RALA: variants seen among roughly 807,000 people sequenced by gnomAD.
RALA encodes the protein ras-related protein Ral-A.
A neutral mutation model predicts 24.0 loss-of-function variants in RALA; 5 were observed. The ratio of observed to expected loss-of-function variants is 0.21; its 90% CI spans 0.11 to 0.44. The LOEUF is 0.44. Among genes scored for constraint, RALA ranks in the 20% least tolerant of loss-of-function variants. RALA has a pLI of 0.99. For missense variants in RALA, 95 were observed against 241.2 expected (o/e 0.39, Z 4.01); for synonymous variants, 77 against 83.8 (o/e 0.92, Z 0.44).
chr7:39,692,243 C>T (rs961003857), intron 3 of RALA, among the ~76,000 whole-genome samples: 2 of 152,198 alleles, frequency 1.3e-5, no homozygotes, highest in African/African-American at 4.8e-5. Flanking sequence ...CCACAAAATC[C>T]ATTGCTTCCT....
chr7:39,674,923 A>C (rs1300729587), intron 1 of RALA, among the ~76,000 whole-genome samples: 4 of 146,398 alleles, frequency 2.7e-5, no homozygotes, highest in Non-Finnish European at 5.9e-5. Context: ...TCCTGGGTTC[A>C]AGCAATTCTC....
At chr7:39,669,775 C>T (rs1792349673) in intron 1 of RALA, among the ~76,000 whole-genome samples, 1 of 149,492 alleles carries the variant, frequency 6.7e-6, no homozygotes, top group South Asian at 2.1e-4. Context: ...CACTGCACTC[C>T]AGCCTGGGTG....
At chr7:39,689,729 C>A (rs1792781417) in intron 2 of RALA, among the ~76,000 whole-genome samples, 2 of 152,196 alleles carry the variant, frequency 1.3e-5, no homozygotes, top group Non-Finnish European at 2.9e-5. Flanking sequence ...CCAGCCTGGG[C>A]AACATAGTAA....
At chr7:39,680,474 G>C (rs1223210560) in intron 1 of RALA, among the ~76,000 whole-genome samples, 1 of 151,446 alleles carries the variant, frequency 6.6e-6, no homozygotes, top group Non-Finnish European at 1.5e-5. Context: ...TGCTCGGAAG[G>C]CTGAGGCAGG....
intron 1 of RALA, among the ~76,000 whole-genome samples, chr7:39,681,364 C>CA (rs1008990180): frequency 8.8e-6 from 1 of 113,460 alleles, no homozygotes; most frequent in Admixed American, 1.3e-4. Flanking sequence ...CTAGCCCAGG[C>CA]TGGAGTGCAA....
intron 1 of RALA, among the ~76,000 whole-genome samples, chr7:39,666,272 A>G (rs1792285845): frequency 1.3e-5 from 2 of 152,190 alleles, no homozygotes; most frequent in Non-Finnish European, 2.9e-5. Flanking sequence ...TTTACTCTCT[A>G]AGTTATATAT....
chr7:39,646,821 T>G lies in RALA; in HGVS notation c.-38+22996T>G, dbSNP rs553202009. On this transcript the variant is annotated intron_variant, in intron 1 of 4. Transcript: ENST00000005257. The stretch of plus-strand genomic sequence containing the variant: ...ACTCTAGAGCCTCCCATGTATATAT[T>G]TACTTTTCAGCCTTACCCATGTACT... Among the ~76,000 whole-genome samples, 5 of 152,350 alleles carry G rather than the reference T, an allele frequency of 3.3e-5. No homozygotes were observed. The South Asian group carries it at 1.0e-3, about 32-fold the overall frequency.
chr7:39,693,720 A>G (rs1162263458), intron 3 of RALA, among the ~76,000 whole-genome samples: 2 of 152,232 alleles, frequency 1.3e-5, no homozygotes, highest in African/African-American at 2.4e-5. Context: ...GAAAGTTGAC[A>G]TGGTTTTTGC....
At chr7:39,668,810 A>C (rs1019463948) in intron 1 of RALA, among the ~76,000 whole-genome samples, 4 of 150,890 alleles carry the variant, frequency 2.7e-5, no homozygotes, top group Non-Finnish European at 5.9e-5. Flanking sequence ...AAAAAAAAAA[A>C]AAAGAAAAGA....
intron 1 of RALA, among the ~76,000 whole-genome samples, chr7:39,647,829 C>T (rs1042432377): frequency 1.3e-5 from 2 of 152,196 alleles, no homozygotes; most frequent in Non-Finnish European, 2.9e-5. Flanking sequence ...TGATCTTGGA[C>T]TTCCCAGACT....
At position 39,706,765 on chromosome 7, in the gene RALA, TG is replaced by T. The variant is rs1793127286; in HGVS notation, c.*521del. 1 of 152,568 alleles carries T rather than the reference TG, an allele frequency of 6.6e-6. No individual in the cohort carries two copies. The highest frequency in any genetic ancestry group is 1.5e-5 in the Non-Finnish European group (1 of 68,072). The allele number at this position is 152,568 out of a possible 1,614,324, so 9.5% of individuals were successfully genotyped here. ...ATAGTTAAACTGAGAGTAATTCATC[TG>T]TGAATCTGCTTTAATTACCTGGTGA... On this transcript the variant is annotated 3_prime_UTR_variant, in exon 5 of 5. Transcript: ENST00000005257.
intron 1 of RALA, among the ~76,000 whole-genome samples, chr7:39,674,462 A>C (rs1329171143): frequency 6.6e-6 from 1 of 152,148 alleles, no homozygotes; most frequent in Non-Finnish European, 1.5e-5. Context: ...TTAATGTGCT[A>C]GATTCTATCT....
intron 1 of RALA, among the ~76,000 whole-genome samples, chr7:39,649,825 G>A (rs538460234): frequency 6.6e-6 from 1 of 152,282 alleles, no homozygotes; most frequent in African/African-American, 2.4e-5. Flanking sequence ...TGGAAAACCA[G>A]GTGATTGTGG....
At chr7:39,635,564 C>T (rs947887243) in intron 1 of RALA, among the ~76,000 whole-genome samples, 4 of 152,132 alleles carry the variant, frequency 2.6e-5, no homozygotes, top group South Asian at 2.1e-4. Flanking sequence ...CAGCAGTGGT[C>T]CCCAACCTTA....
At chr7:39,653,022 T>C (rs770803154) in intron 1 of RALA, among the ~76,000 whole-genome samples, 4 of 150,378 alleles carry the variant, frequency 2.7e-5, no homozygotes, top group Non-Finnish European at 4.4e-5. Context: ...GGTCTCAAAC[T>C]ATTATTATTA....
At chr7:39,692,024 C>G (rs773416715) in intron 3 of RALA, among the ~76,000 whole-genome samples, 33 of 152,260 alleles carry the variant, frequency 2.2e-4, no homozygotes, top group Admixed American at 9.8e-4. Context: ...ATTCATTACT[C>G]TTAGGGCGTA....
intron 1 of RALA, among the ~76,000 whole-genome samples, chr7:39,685,091 TA>T (rs1422611111): frequency 6.6e-6 from 1 of 152,218 alleles, no homozygotes; most frequent in Admixed American, 6.5e-5. Context: ...GGCGCCAACC[TA>T]ATACATATTC....
intron 1 of RALA, among the ~76,000 whole-genome samples, chr7:39,634,179 T>C (rs1791647105): frequency 1.3e-5 from 2 of 152,068 alleles, no homozygotes; most frequent in South Asian, 4.2e-4. Context: ...GGAGTGCTGG[T>C]AGGTAGAGTA....
At chr7:39,699,285 C>T (rs4587238) in intron 4 of RALA, among the ~76,000 whole-genome samples, 34,211 of 148,764 alleles carry the variant, frequency 0.23, 4,771 homozygotes, top group Admixed American at 0.35. Context: ...GGACTACAGG[C>T]GCCCGCCACC....
Sources: allele counts gnomAD v4.1 joint callset (sites outside exome capture counted in the v4.1 genomes callset), GRCh38; gene constraint gnomAD v4.1.1; transcripts MANE v1.5; gene names NCBI Gene and HGNC (gene_info 2026-07-23, HGNC 2026-07-21).